The following PARP4 variants were observed in gnomAD, a reference collection of about 807,000 sequenced individuals.
The protein encoded by PARP4 is protein mono-ADP-ribosyltransferase PARP4.
Under a neutral mutation model 187.7 loss-of-function variants are expected in PARP4, and 120 were observed. The ratio of observed to expected loss-of-function variants is 0.64; its 90% confidence interval spans 0.55 to 0.74. The LOEUF (loss-of-function observed/expected upper bound fraction) is 0.74. Ranked by LOEUF, PARP4 falls within the 30% of genes least tolerant of loss-of-function variation. The pLI is 0.00. For missense variants in PARP4, 1,836 were observed against 2,070.5 expected (o/e 0.89, Z 2.20); for synonymous variants, 654 against 740.9 (o/e 0.88, Z 1.90).
At chr13:24,458,034 C>A (rs1447336887) in intron 20 of PARP4, among the ~76,000 whole-genome samples, 2 of 151,758 alleles carry the variant, frequency 1.3e-5, no homozygotes, top group African/African-American at 4.8e-5. Context: ...CTTCGGGAAG[C>A]CAGAGCAAAA....
At chr13:24,490,530 A>T (rs1297034790) in intron 10 of PARP4, 138 bp downstream of exon 10, 2 of 698,588 alleles carry the variant, frequency 2.9e-6, no homozygotes. Flanking sequence ...ACAGAGAAGA[A>T]AGTAATGTGT....
chr13:24,481,451 G>A (rs1873278038), intron 12 of PARP4, among the ~76,000 whole-genome samples: 4 of 152,168 alleles, frequency 2.6e-5, no homozygotes. Context: ...CCAGCACTTT[G>A]GGAGGCCAAG....
chr13:24,426,411 TTAAA>T (rs887898917), intron 33 of PARP4, 51 bp downstream of exon 33: 8 of 1,343,124 alleles, frequency 6.0e-6, no homozygotes, highest in African/African-American at 5.9e-5. Context: ...CTAAGGTTTA[TTAAA>T]TAAATAGTTG....
chr13:24,472,260 C>T (rs539203661), intron 15 of PARP4, among the ~76,000 whole-genome samples: 5 of 152,296 alleles, frequency 3.3e-5, no homozygotes, highest in South Asian at 2.1e-4. Flanking sequence ...ATTATGTTTA[C>T]AGATCCTAAG....
intron 25 of PARP4, among the ~76,000 whole-genome samples, 170 bp downstream of exon 25, chr13:24,449,548 C>T (rs555723684): frequency 1.3e-4 from 20 of 152,170 alleles, no homozygotes; most frequent in African/African-American, 4.8e-4. Flanking sequence ...ATGAAGAACA[C>T]CTGTGTTCCC....
chr13:24,506,221 G>A (rs752958415), intron 1 of PARP4, among the ~76,000 whole-genome samples: 3 of 151,706 alleles, frequency 2.0e-5, no homozygotes, highest in African/African-American at 4.8e-5. Flanking sequence ...TCTTTAAGGC[G>A]GCGCATCCAG....
At chr13:24,494,883 T>G (rs1868862390) in intron 6 of PARP4, among the ~76,000 whole-genome samples, 161 bp from the exon 7 acceptor site, 1 of 152,064 alleles carries the variant, frequency 6.6e-6, no homozygotes, top group Non-Finnish European at 1.5e-5. Context: ...CTTTTTCTTT[T>G]TTTTTTGAGA....
At chr13:24,453,971 C>T (rs1871673732) in intron 22 of PARP4, among the ~76,000 whole-genome samples, 1 of 151,956 alleles carries the variant, frequency 6.6e-6, no homozygotes, top group African/African-American at 2.4e-5. Context: ...CAAAAATTAG[C>T]TGGGTGTGGT....
chr13:24,470,103 A>C, intron 15 of PARP4, 78 bp from the exon 16 acceptor site: 1 of 1,315,770 alleles, frequency 7.6e-7, no homozygotes, highest in Non-Finnish European at 1.0e-6. Flanking sequence ...AACGAAAATG[A>C]TTTTGCATAT....
chr13:24,454,860 C>T (rs11843192), intron 22 of PARP4, among the ~76,000 whole-genome samples, 157 bp downstream of exon 22: 1,840 of 152,120 alleles, frequency 0.012, 35 homozygotes, highest in African/African-American at 0.042. Context: ...GGAACCGGGA[C>T]CTAGGGGGTC....
intron 12 of PARP4, among the ~76,000 whole-genome samples, chr13:24,481,943 A>C (rs138795335): frequency 5.1e-4 from 77 of 152,362 alleles, no homozygotes; most frequent in Admixed American, 1.4e-3. Context: ...GGACGAAGTA[A>C]ATTGAAAACC....
intron 12 of PARP4, among the ~76,000 whole-genome samples, chr13:24,480,169 C>A (rs1474410990): frequency 2.0e-5 from 3 of 152,232 alleles, no homozygotes; most frequent in African/African-American, 7.2e-5. Context: ...ACCAAGAACC[C>A]ACCAATTCTG....
intron 31 of PARP4, among the ~76,000 whole-genome samples, chr13:24,433,320 G>T (rs1321131786): frequency 6.6e-6 from 1 of 152,084 alleles, no homozygotes; most frequent in Non-Finnish European, 1.5e-5. Context: ...CAGAGCTCGG[G>T]GCCTTCGCAG....
intron 27 of PARP4, 118 bp downstream of exon 27, chr13:24,446,563 T>A: frequency 1.5e-6 from 1 of 688,266 alleles, no homozygotes; most frequent in Non-Finnish European, 2.6e-6. Context: ...TGTATTGGGC[T>A]GCATTCAAAG....
chr13:24,450,811 CT>C (rs1446347502), intron 24 of PARP4, among the ~76,000 whole-genome samples: 1 of 152,238 alleles, frequency 6.6e-6, no homozygotes. Flanking sequence ...CTGGCAGAGT[CT>C]CCTCTTGGAG....
chr13:24,508,448 C>T (rs1869828124), intron 1 of PARP4, among the ~76,000 whole-genome samples: 1 of 152,236 alleles, frequency 6.6e-6, no homozygotes, highest in South Asian at 2.1e-4. Context: ...ACAAAAAAAT[C>T]TCAAAACCTA....
intron 20 of PARP4, among the ~76,000 whole-genome samples, chr13:24,458,030 G>A (rs925158728): frequency 4.0e-5 from 6 of 151,822 alleles, no homozygotes; most frequent in Non-Finnish European, 7.4e-5. Context: ...AGCACTTCGG[G>A]AAGCCAGAGC....
At chr13:24,430,750 C>T (rs1192795725) in intron 32 of PARP4, among the ~76,000 whole-genome samples, 1 of 152,032 alleles carries the variant, frequency 6.6e-6, no homozygotes, top group Non-Finnish European at 1.5e-5. Flanking sequence ...CCTCATCTAT[C>T]CCCTTGTTGT....
chr13:24,469,481 GTTTCT>G (rs932475496), intron 16 of PARP4, among the ~76,000 whole-genome samples: 2 of 152,032 alleles, frequency 1.3e-5, no homozygotes, highest in Admixed American at 6.6e-5. Flanking sequence ...ATCAACTGTT[GTTTCT>G]TTTCTTTTTT....
Sources: gnomAD v4.1 joint callset for allele counts (sites outside exome capture counted in the v4.1 genomes callset) on GRCh38, gnomAD v4.1.1 for gene constraint, MANE v1.5 for transcripts, NCBI Gene and HGNC (gene_info 2026-07-23, HGNC 2026-07-21) for gene names.